The following CELF5 variants were observed in gnomAD, a reference collection of about 807,000 sequenced individuals.
CELF5 encodes CUGBP Elav-like family member 5.
A neutral mutation model predicts 54.9 loss-of-function variants in CELF5; 6 were observed. The ratio of observed to expected loss-of-function variants is 0.11; its 90% CI spans 0.06 to 0.22. The LOEUF is 0.22. Ranked by LOEUF, CELF5 falls within the 10% of genes least tolerant of loss-of-function variation. The pLI is 1.00. For missense variants in CELF5, 401 were observed against 678.6 expected (o/e 0.59, Z 4.54); for synonymous variants, 271 against 290.9 (o/e 0.93, Z 0.70).
intron 10 of CELF5, among the ~76,000 whole-genome samples, chr19:3,287,843 T>A (rs35234558): frequency 0.13 from 19,082 of 152,262 alleles, 1,269 homozygotes; most frequent in Middle Eastern, 0.22. Context: ...ATGGTAGCAC[T>A]GTTTTCTCCA....
rs547958100 is a variant in CELF5 at position 3,229,462 on chromosome 19, G to C, written c.259+4464G>C. ...ACACACCAGCAGTGACAGCCCAGAG[G>C]GGGGCCCTGCCCCCGCAGGAGTGGA... On this transcript the variant is annotated intron_variant, in intron 1 of 12. Transcript: ENST00000292672. Among the ~76,000 whole-genome samples, 23 of 152,342 alleles carry C rather than the reference G, an allele frequency of 1.5e-4. 1 individual carries two copies. The South Asian group carries it at 4.8e-3, about 32-fold the overall frequency.
intron 2 of CELF5, among the ~76,000 whole-genome samples, chr19:3,264,966 C>A (rs915816967): frequency 6.6e-6 from 1 of 151,012 alleles, no homozygotes; most frequent in African/African-American, 2.4e-5. Context: ...TGCCTGCCTC[C>A]GCCTCCCAAA....
chr19:3,236,280 G>A (rs1917595777), intron 1 of CELF5, among the ~76,000 whole-genome samples: 1 of 152,174 alleles, frequency 6.6e-6, no homozygotes. Context: ...AGGAAGTGGA[G>A]AGGATGAGCA....
intron 1 of CELF5, among the ~76,000 whole-genome samples, chr19:3,241,637 C>T (rs1401245938): frequency 1.3e-5 from 2 of 152,026 alleles, no homozygotes; most frequent in Non-Finnish European, 2.9e-5. Context: ...TAAGCTGTGG[C>T]TCAGGCTGAG....
At position 3,281,258 on chromosome 19, in the gene CELF5, G is replaced by T. The variant is rs1421779640; in HGVS notation, c.663G>T (p.Arg221=). The part of the protein sequence containing the change: ...FADTDKERTL[R]RMQQMVGQLG... ...ACACGGACAAGGAGCGGACGCTCCG[G>T]CGCATGCAGCAGATGGTGGGCCAGC... Residue 221 remains arginine, a synonymous_variant, in exon 6 of 13, where the codon CGG becomes CGT. Coordinates refer to ENST00000292672, the MANE Select transcript of CELF5 (RefSeq NM_021938.4). This position sits in a 1 kb window ranked among gnomAD's most constrained non-coding sequence, Gnocchi z 6.5. 1 of 1,611,328 alleles carries T rather than the reference G, an allele frequency of 6.2e-7. No homozygotes were observed. Among genetic ancestry groups the T allele is most frequent in the Non-Finnish European group, 8.5e-7 (1 of 1,179,904 alleles).
chr19:3,263,728 A>G (rs1599437143), intron 2 of CELF5, among the ~76,000 whole-genome samples: 1 of 151,564 alleles, frequency 6.6e-6, no homozygotes, highest in Admixed American at 6.6e-5. Flanking sequence ...AACATAGTGA[A>G]ACCCCGTCTC....
At chr19:3,249,625 C>G (rs1399508459) in intron 1 of CELF5, among the ~76,000 whole-genome samples, 1 of 151,782 alleles carries the variant, frequency 6.6e-6, no homozygotes, top group African/African-American at 2.4e-5. Flanking sequence ...CTGGGCCACT[C>G]CGGGGCTGGC....
chr19:3,252,740 G>A (rs1337898634), intron 2 of CELF5, among the ~76,000 whole-genome samples: 1 of 152,124 alleles, frequency 6.6e-6, no homozygotes, highest in Non-Finnish European at 1.5e-5. Flanking sequence ...TCTTTTGGGT[G>A]TGATGTGATG....
At chr19:3,245,493 T>C (rs961343713) in intron 1 of CELF5, among the ~76,000 whole-genome samples, 5 of 151,536 alleles carry the variant, frequency 3.3e-5, no homozygotes, top group Admixed American at 6.6e-5. Flanking sequence ...GCCTTAAATG[T>C]TGCTCAGGGC....
chr19:3,270,700 G>T, intron 2 of CELF5: 1 of 151,662 alleles, frequency 6.6e-6, no homozygotes, highest in South Asian at 2.0e-4. Context: ...GCGGGGTGGG[G>T]ACGGCCGGGC....
intron 2 of CELF5, among the ~76,000 whole-genome samples, chr19:3,258,592 G>GAT (rs368001629): frequency 6.2e-4 from 94 of 151,700 alleles, no homozygotes; most frequent in Middle Eastern, 3.4e-3. Context: ...AGGATTTGGG[G>GAT]ATATATATAT....
intron 1 of CELF5, among the ~76,000 whole-genome samples, chr19:3,247,385 CA>C (rs1402146675): frequency 2.6e-5 from 4 of 152,170 alleles, no homozygotes; most frequent in Middle Eastern, 6.8e-3. Flanking sequence ...CTTGGCCTCC[CA>C]AAGTGCTGGG....
chr19:3,226,493 A>G (rs1038075275), intron 1 of CELF5, among the ~76,000 whole-genome samples: 1 of 132,654 alleles, frequency 7.5e-6, no homozygotes, highest in Non-Finnish European at 1.6e-5. Context: ...GGCCTGAAAA[A>G]TCTAACTCCT....
intron 2 of CELF5, among the ~76,000 whole-genome samples, chr19:3,266,337 C>T (rs972219473): frequency 3.3e-5 from 5 of 151,830 alleles, no homozygotes; most frequent in South Asian, 2.1e-4. Context: ...ATCTCAGCCC[C>T]GCCTCCTGAG....
chr19:3,268,646 G>A lies in CELF5; in HGVS notation c.343-5226G>A, dbSNP rs371472609. On this transcript the variant is annotated intron_variant, in intron 2 of 12. Transcript: ENST00000292672. This position sits in a 1 kb window ranked among gnomAD's most constrained non-coding sequence, Gnocchi z 4.4. ...TTTCCGCTGTCATTTGTGGACCCTG[G>A]GCTAAGGGTCTTGGTGGGGAACGGA... 4.3e-4 allele frequency among the ~76,000 whole-genome samples: 66 copies of A among 152,220 alleles called. No individual in the cohort carries two copies. Among genetic ancestry groups the A allele is most frequent in the African/African-American group, 1.5e-3 (62 of 41,526 alleles).
intron 2 of CELF5, among the ~76,000 whole-genome samples, chr19:3,273,198 G>A (rs1480692636): frequency 6.6e-6 from 1 of 152,100 alleles, no homozygotes; most frequent in East Asian, 1.9e-4. Flanking sequence ...ATTCTGCAAA[G>A]CTTGGTCTGG....
chr19:3,260,191 A>C (rs1234616242), intron 2 of CELF5, among the ~76,000 whole-genome samples: 2 of 152,128 alleles, frequency 1.3e-5, no homozygotes, highest in Admixed American at 1.3e-4. Context: ...ATCTTGGCTC[A>C]CTGCAACCTC....
At chr19:3,269,648 T>G (rs2079930136) in intron 2 of CELF5, among the ~76,000 whole-genome samples, 1 of 152,192 alleles carries the variant, frequency 6.6e-6, no homozygotes, top group South Asian at 2.1e-4. Context: ...CAGAAAGGAC[T>G]GTTTCTCGGC....
intron 1 of CELF5, among the ~76,000 whole-genome samples, chr19:3,235,938 T>C (rs1354573505): frequency 2.0e-5 from 3 of 151,746 alleles, no homozygotes; most frequent in South Asian, 2.1e-4. Context: ...GATGGGGAAA[T>C]TTCTGGTGTA....
Sources: allele counts gnomAD v4.1 joint callset (sites outside exome capture counted in the v4.1 genomes callset), GRCh38; gene constraint gnomAD v4.1.1; non-coding constraint Gnocchi (gnomAD v3.1); transcripts MANE v1.5; gene names NCBI Gene and HGNC (gene_info 2026-07-23, HGNC 2026-07-21).